The following NCOR2 variants were observed in gnomAD, a reference collection of about 807,000 sequenced individuals.
NCOR2 encodes nuclear receptor corepressor 2.
A neutral mutation model predicts 262.9 loss-of-function variants in NCOR2; 81 were observed. That is an observed-to-expected ratio of 0.31 (90% confidence interval 0.26 to 0.37). The LOEUF (loss-of-function observed/expected upper bound fraction) is 0.37, where lower values mean the gene tolerates loss of function less well. NCOR2 is among the 10% of genes least tolerant of loss of function. The pLI is 1.00. For missense variants in NCOR2, 3,385 were observed against 3,621.4 expected (o/e 0.93, Z 1.68); for synonymous variants, 1,659 against 1,559.3 (o/e 1.06, Z -1.51).
At chr12:124,342,909 A>T in intron 33 of NCOR2, 96 bp downstream of exon 35, 1 of 1,347,604 alleles carries the variant, frequency 7.4e-7, no homozygotes, top group South Asian at 1.4e-5. Flanking sequence ...GGGGAACCTG[A>T]CAGTTGATGC....
At chr12:124,557,145 C>G (rs1265349103) in intron 1 of NCOR2, among the ~76,000 whole-genome samples, 1 of 152,210 alleles carries the variant, frequency 6.6e-6, no homozygotes, top group East Asian at 1.9e-4. Flanking sequence ...CTGGGTTTTA[C>G]AGGCCTCCCC....
At chr12:124,386,215 G>C (rs2040794279) in intron 16 of NCOR2, among the ~76,000 whole-genome samples, 1 of 152,126 alleles carries the variant, frequency 6.6e-6, no homozygotes, top group South Asian at 2.1e-4. Context: ...TCTGGGGGCG[G>C]AGGGCTGTGA....
intron 1 of NCOR2, among the ~76,000 whole-genome samples, chr12:124,500,487 G>A (rs983384143): frequency 7.2e-5 from 11 of 152,208 alleles, no homozygotes; most frequent in East Asian, 1.9e-4. Flanking sequence ...AGCTCAGGCC[G>A]TGAGCTCTGA....
In NCOR2 at chr12:124,521,330, G is replaced by C. The variant is rs187910406; in HGVS notation, c.-118+14235C>G. Among the ~76,000 whole-genome samples, 211 of 152,328 alleles carry C rather than the reference G, an allele frequency of 1.4e-3. 1 individual carries two copies. The highest frequency in any genetic ancestry group is 0.012 in the Admixed American group (183 of 15,306). ...GCTATCTGCACCTCCTCAATCCCGG[G>C]CCCCAGGGCTCCGTGACCTGGGCAG... is the stretch of plus-strand genomic sequence containing the variant. On this transcript the variant is annotated intron_variant, in intron 1 of 46. Coordinates refer to the NCOR2 transcript ENST00000404621.
At chr12:124,516,065 C>T (rs1323269595) in intron 1 of NCOR2, among the ~76,000 whole-genome samples, 1 of 152,198 alleles carries the variant, frequency 6.6e-6, no homozygotes, top group Non-Finnish European at 1.5e-5. Context: ...TGAGAACCCC[C>T]CCGCCTTCGG....
intron 1 of NCOR2, among the ~76,000 whole-genome samples, chr12:124,543,590 C>T (rs985624948): frequency 2.6e-5 from 4 of 152,220 alleles, no homozygotes; most frequent in African/African-American, 7.2e-5. Flanking sequence ...GAAACCTCGC[C>T]GCCCCTCTCC....
chr12:124,544,584 G>A (rs946125538), intron 1 of NCOR2, among the ~76,000 whole-genome samples: 3 of 152,174 alleles, frequency 2.0e-5, no homozygotes, highest in Admixed American at 2.0e-4. Context: ...CACCTCACAA[G>A]CAGGCTCCGC....
rs2047597147 is a variant in NCOR2, at chr12:124,483,291, C to T, written c.411+305G>A. On this transcript the variant is annotated intron_variant, in intron 3 of 46. Transcript: ENST00000405201. This position sits in a 1 kb window ranked among gnomAD's most constrained non-coding sequence, Gnocchi z 6.3. ...GGCACCCCAGGCCCTCCCATCCCAG[C>T]TCTCCCCTCCCTCACGCCAGCTACC... Among the ~76,000 whole-genome samples, 2 of 151,968 alleles carry T rather than the reference C, an allele frequency of 1.3e-5. No individual in the cohort carries two copies. The highest frequency in any genetic ancestry group is 4.2e-4 in the South Asian group (2 of 4,816).
Position 124,326,387 on chromosome 12 carries a change from T to A in NCOR2, c.7184-17A>T. ...CGCCGCCACCTGCAGGGGGACAAGA[T>A]GGGAAGGGGCTGCGTTGGGCAGTGA... On this transcript the variant is annotated splice_polypyrimidine_tract_variant and intron_variant, in intron 45 of 46. Coordinates refer to ENST00000405201, the Ensembl canonical transcript of NCOR2. 1.3e-6 allele frequency: 2 copies of A among 1,482,314 alleles called. No homozygotes were observed. Among genetic ancestry groups the A allele is most frequent in the South Asian group, 2.7e-5 (2 of 74,324 alleles). 91.8% of individuals were successfully genotyped at this position (1,482,314 alleles called of 1,614,324 possible).
At chr12:124,532,207 C>T (rs901963370) in intron 1 of NCOR2, among the ~76,000 whole-genome samples, 1 of 152,084 alleles carries the variant, frequency 6.6e-6, no homozygotes, top group Admixed American at 6.5e-5. Context: ...GTCTGTCCCC[C>T]CTTGTCTCCC....
rs113111701 is a variant in NCOR2, at chr12:124,356,155, T to C, written c.3241+487A>G. Among the ~76,000 whole-genome samples the C allele has an allele frequency of 3.1e-3, 471 of 152,358 alleles. 3 individuals are homozygous for C. The highest frequency in any genetic ancestry group is 0.014 in the Middle Eastern group (4 of 294). On this transcript the variant is annotated intron_variant, in intron 23 of 46. Transcript: ENST00000405201. ...CCTGGCATGACTTTCCCTGTTCTTC[T>C]GGCTCCCTTGGCCCACGCATCCCTC...
chr12:124,539,978 G>C (rs370729568), upstream of NCOR2, among the ~76,000 whole-genome samples: 3 of 151,972 alleles, frequency 2.0e-5, no homozygotes, highest in Non-Finnish European at 4.4e-5. This position sits in a 1 kb window ranked among gnomAD's most constrained non-coding sequence, Gnocchi z 5.1. Context: ...AGGCAGCTTC[G>C]ACCTGCCTCG....
chr12:124,461,391 C>T (rs542842147), intron 5 of NCOR2, among the ~76,000 whole-genome samples: 1 of 152,356 alleles, frequency 6.6e-6, no homozygotes, highest in African/African-American at 2.4e-5. Flanking sequence ...CTCTCGCCAG[C>T]CAACTGAGAT....
chr12:124,363,199 T>C (rs1256081054), intron 21 of NCOR2, among the ~76,000 whole-genome samples: 3 of 152,222 alleles, frequency 2.0e-5, no homozygotes, highest in Admixed American at 2.0e-4. Flanking sequence ...GCTCAGGGTC[T>C]TTTAGCCCGG....
chr12:124,494,475 G>A lies in NCOR2; in HGVS notation c.105+672C>T, dbSNP rs551883721. Among the ~76,000 whole-genome samples, 6 of 152,316 alleles carry A rather than the reference G, an allele frequency of 3.9e-5. No homozygotes were observed. The East Asian group carries it at 5.8e-4, about 15-fold the overall frequency. On this transcript the variant is annotated intron_variant, in intron 1 of 46. Coordinates refer to ENST00000405201, the Ensembl canonical transcript of NCOR2. ...GCAGTGAGAGAAGAGGCAGGAAATG[G>A]GGCCCCCGCTGGGAAGTGGGGTGGG...
intron 19 of NCOR2, among the ~76,000 whole-genome samples, chr12:124,374,141 G>A (rs939576592): frequency 6.6e-6 from 1 of 152,210 alleles, no homozygotes; most frequent in African/African-American, 2.4e-5. Context: ...TTTGCTATCA[G>A]GGAAATCAAA....
chr12:124,517,001 T>C lies in NCOR2; in HGVS notation c.-118+18564A>G, dbSNP rs2049841793. 6.6e-6 allele frequency among the ~76,000 whole-genome samples: 1 copy of C among 152,074 alleles called. No homozygotes were observed. Among genetic ancestry groups the C allele is most frequent in the South Asian group, 2.1e-4 (1 of 4,822 alleles). ...GAGACAGTAAGTGACTTGCCCAAGG[T>C]CACACAGCCAGGAAGTGTCCAACCA... is the stretch of plus-strand genomic sequence containing the variant. On this transcript the variant is annotated intron_variant, in intron 1 of 46. Transcript: ENST00000404621. This position sits in a 1 kb window ranked among gnomAD's most constrained non-coding sequence, Gnocchi z 7.6.
chr12:124,560,329 G>A (rs370152934), intron 1 of NCOR2, among the ~76,000 whole-genome samples: 1 of 152,244 alleles, frequency 6.6e-6, no homozygotes, highest in Non-Finnish European at 1.5e-5. Flanking sequence ...ATGAGTGAGC[G>A]TGGCTGCATT....
upstream of NCOR2, chr12:124,495,509 GC>G: frequency 1.9e-6 from 1 of 538,754 alleles, no homozygotes; most frequent in Non-Finnish European, 3.2e-6. The surrounding 1 kb of genome is among the most constrained non-coding windows in gnomAD (Gnocchi z 4.4). Flanking sequence ...TCCATCCACT[GC>G]CACACTCACC....
Sources: allele counts gnomAD v4.1 joint callset (sites outside exome capture counted in the v4.1 genomes callset), GRCh38; gene constraint gnomAD v4.1.1; non-coding constraint Gnocchi (gnomAD v3.1); transcripts MANE v1.5; gene names NCBI Gene and HGNC (gene_info 2026-07-23, HGNC 2026-07-21).